Variants in MAST4 observed in about 807,000 individuals in gnomAD.
The protein encoded by MAST4 is microtubule associated serine/threonine kinase family member 4.
Under a neutral mutation model 162.7 loss-of-function variants are expected in MAST4, and 89 were observed. That is an observed-to-expected ratio of 0.55 (90% CI 0.46 to 0.65). The LOEUF is 0.65. Ranked by LOEUF, MAST4 falls within the 30% of genes least tolerant of loss-of-function variation. The pLI is 0.00. For synonymous variants in MAST4, 1,479 were observed against 1,361.1 expected (o/e 1.09, Z -1.91); for missense variants, 3,153 against 3,374.0 (o/e 0.93, Z 1.62).
chr5:66,882,965 G>GA, intron 3 of MAST4, among the ~76,000 whole-genome samples: 1 of 152,270 alleles, frequency 6.6e-6, no homozygotes, highest in African/African-American at 2.4e-5. Flanking sequence ...TACCACTTAG[G>GA]AGGTAGACTA....
chr5:67,075,091 C>A (rs963616266), intron 5 of MAST4, among the ~76,000 whole-genome samples: 9 of 151,932 alleles, frequency 5.9e-5, no homozygotes, highest in Non-Finnish European at 1.0e-4. Flanking sequence ...CTATCTTTTA[C>A]CTAACATCCA....
intron 1 of MAST4, among the ~76,000 whole-genome samples, chr5:66,663,948 T>A (rs1303348582): frequency 1.3e-5 from 2 of 151,718 alleles, no homozygotes; most frequent in African/African-American, 4.8e-5. Context: ...TGGGCCAGGG[T>A]GGTGGTGGTG....
intron 2 of MAST4, among the ~76,000 whole-genome samples, chr5:66,764,428 A>T (rs1753992907): frequency 6.6e-6 from 1 of 152,172 alleles, no homozygotes; most frequent in African/African-American, 2.4e-5. Context: ...AGCACACTTC[A>T]CTTGATACCT....
At chr5:67,004,222 T>C (rs1424845250) in intron 4 of MAST4, among the ~76,000 whole-genome samples, 1 of 151,982 alleles carries the variant, frequency 6.6e-6, no homozygotes, top group African/African-American at 2.4e-5. Context: ...GCCTGCTCCC[T>C]TTCCCGTGAG....
At chr5:67,035,076 G>A (rs1017758252) in intron 4 of MAST4, among the ~76,000 whole-genome samples, 14 of 151,898 alleles carry the variant, frequency 9.2e-5, no homozygotes, top group African/African-American at 3.1e-4. Context: ...TCTGTTTTTT[G>A]CATTTTAAGT....
intron 1 of MAST4, among the ~76,000 whole-genome samples, chr5:66,672,932 C>T (rs1305973772): frequency 3.9e-5 from 6 of 152,162 alleles, no homozygotes; most frequent in Non-Finnish European, 7.3e-5. Flanking sequence ...GTTCCCTGTC[C>T]CCCACATCCC....
At chr5:67,042,588 T>C (rs1003350911) in intron 4 of MAST4, among the ~76,000 whole-genome samples, 28 of 152,184 alleles carry the variant, frequency 1.8e-4, no homozygotes, top group African/African-American at 6.5e-4. Context: ...CTACTTCCCT[T>C]TTCGTGTTAG....
At chr5:67,089,203 C>A (rs1441018444) in intron 5 of MAST4, among the ~76,000 whole-genome samples, 1 of 152,178 alleles carries the variant, frequency 6.6e-6, no homozygotes, top group African/African-American at 2.4e-5. Flanking sequence ...TTATTTAAAC[C>A]AGCTACAGTT....
At position 67,145,348 on chromosome 5, in the gene MAST4, A is replaced by G. The variant is rs1770948550; in HGVS notation, c.3063A>G (p.Pro1021=). The change falls in exon 23 of 29, where the codon CCA becomes CCG. Residue 1021 remains proline, a synonymous_variant. Transcript: ENST00000403625. ...AGGAGGAGCCTGAGGTCACCACCCCAGCCAGCACCATCAGCAGCTCCACCC... is the reference window on the plus strand; with the variant it reads ...AGGAGGAGCCTGAGGTCACCACCCCGGCCAGCACCATCAGCAGCTCCACCC... ...CAQEEPEVTT[P]ASTISSSTLS... The G allele has an allele frequency of 6.2e-6, 10 of 1,613,204 alleles. No homozygotes were observed. Among genetic ancestry groups the G allele is most frequent in the Admixed American group, 1.7e-5 (1 of 60,012 alleles).
At chr5:66,757,779 T>G (rs1246661086) in intron 1 of MAST4, among the ~76,000 whole-genome samples, 1 of 152,106 alleles carries the variant, frequency 6.6e-6, no homozygotes, top group African/African-American at 2.4e-5. Flanking sequence ...AACTTTTCTG[T>G]AGTTGCAAAT....
chr5:66,965,589 G>A (rs1746621288), intron 4 of MAST4, among the ~76,000 whole-genome samples: 1 of 12,608 alleles, frequency 7.9e-5, no homozygotes, highest in South Asian at 3.7e-3. Flanking sequence ...GGTGGGGGCG[G>A]GGGGGGGGGC....
At chr5:66,597,576 G>A (rs1007320928) in intron 1 of MAST4, among the ~76,000 whole-genome samples, 2 of 152,222 alleles carry the variant, frequency 1.3e-5, no homozygotes, top group African/African-American at 4.8e-5. Flanking sequence ...TCTGGGAGAA[G>A]AGGACTCCCC....
chr5:66,661,414 T>C (rs972473654), intron 1 of MAST4, among the ~76,000 whole-genome samples: 2 of 152,218 alleles, frequency 1.3e-5, no homozygotes, highest in African/African-American at 4.8e-5. Flanking sequence ...CTGGCCACTG[T>C]TTAAATTCCT....
intron 4 of MAST4, among the ~76,000 whole-genome samples, chr5:67,018,127 AAC>A (rs1163869029): frequency 6.6e-6 from 1 of 152,218 alleles, no homozygotes; most frequent in Non-Finnish European, 1.5e-5. Flanking sequence ...GGAAATGATT[AAC>A]ACATAGTTAG....
Position 67,163,238 on chromosome 5 carries a change from T to G in MAST4, c.4059T>G (p.Gly1353=). ...SGHIRPSTLH[G]LAPKLGGQRY... ...ACATCCGGCCCAGCACTCTCCACGG[T>G]CTTGCACCCAAACTCGGCGGGCAGC... Residue 1353 remains glycine (G), a synonymous_variant, in exon 29 of 29, where the codon GGT becomes GGG. Transcript: ENST00000403625. The surrounding 1 kb of genome is among the most constrained non-coding windows in gnomAD (Gnocchi z 7.0). The G allele has an allele frequency of 6.2e-7, 1 of 1,613,728 alleles. No homozygotes were observed. Among genetic ancestry groups the G allele is most frequent in the Non-Finnish European group, 8.5e-7 (1 of 1,179,878 alleles).
rs143827515 is a variant in MAST4, at chr5:66,670,071, G to A, written c.363+73053G>A. On this transcript the variant is annotated intron_variant, in intron 1 of 28. Transcript: ENST00000403625. ...CTCAAATTTGGTTGTTTACACTGCA[G>A]AATTGGGGTGAGTTCCAGCGAAGGT... 6.8e-3 allele frequency among the ~76,000 whole-genome samples: 1,029 copies of A among 152,328 alleles called. 2 individuals carry two copies. Among genetic ancestry groups the A allele is most frequent in the South Asian group, 0.03 (144 of 4,822 alleles).
chr5:66,837,884 ATATATATATATTT>A (rs1177334796), intron 3 of MAST4, among the ~76,000 whole-genome samples: 19 of 77,482 alleles, frequency 2.5e-4, no homozygotes, highest in African/African-American at 8.7e-4. Context: ...ATATATATAT[ATATATATATATTT>A]TTTTTTTTTT....
At chr5:67,064,762 A>G (rs1201404736) in intron 5 of MAST4, among the ~76,000 whole-genome samples, 1 of 152,170 alleles carries the variant, frequency 6.6e-6, no homozygotes, top group Admixed American at 6.6e-5. Flanking sequence ...GAAATCTAAA[A>G]CTTTCTATTT....
intron 3 of MAST4, among the ~76,000 whole-genome samples, chr5:66,827,996 C>A (rs1427136393): frequency 6.6e-6 from 1 of 152,138 alleles, no homozygotes; most frequent in Non-Finnish European, 1.5e-5. Flanking sequence ...TGTGAAATTG[C>A]ACGATGGGAA....
Sources: gnomAD v4.1 joint callset for allele counts (sites outside exome capture counted in the v4.1 genomes callset) on GRCh38, gnomAD v4.1.1 for gene constraint, Gnocchi (gnomAD v3.1) non-coding constraint, MANE v1.5 for transcripts, NCBI Gene and HGNC (gene_info 2026-07-23, HGNC 2026-07-21) for gene names.